The following ACHE variants were observed in gnomAD, a reference collection of about 807,000 sequenced individuals.
ACHE encodes the protein acetylcholinesterase.
ACHE carries 19 observed loss-of-function variants against 53.9 expected under a neutral mutation model. That is an observed-to-expected ratio of 0.35 (90% confidence interval 0.25 to 0.52). The LOEUF is 0.52. ACHE is among the 20% of genes least tolerant of loss of function. The pLI, the probability that ACHE is intolerant of heterozygous loss-of-function variation, is 0.95. For missense variants in ACHE, 605 were observed against 849.4 expected (o/e 0.71, Z 3.58); for synonymous variants, 392 against 378.1 (o/e 1.04, Z -0.43).
In ACHE at chr7:100,893,521, C is replaced by T. The variant is rs759058537; in HGVS notation, c.712G>A (p.Ala238Thr). 1.2e-6 allele frequency: 2 copies of T among 1,609,234 alleles called. No individual in the cohort carries two copies. The highest frequency in any genetic ancestry group is 1.7e-6 in the Non-Finnish European group (2 of 1,179,934). Reference protein sequence around the residue: ...VTLFGESAGAASVGMHLLSPP... With the variant: ...VTLFGESAGATSVGMHLLSPP... ...GACAGCAGGTGCATGCCCACCGAGG[C>T]GGCTCCCGCGCTCTCCCCAAACAGC... Residue 238 changes from alanine (A) to threonine (T), a missense_variant, in exon 2 of 5, where the codon GCC (alanine) becomes ACC (threonine). This residue lies in a region of ACHE where 397 missense variants were observed against 632.5 expected (regional missense o/e 0.63). Transcript: ENST00000241069.
In ACHE at chr7:100,895,642, G is replaced by A. The variant is rs980888035; in HGVS notation, c.-21+160C>T. ...GGGCGTCGGTGAGTGTGAGGCGGCC[G>A]GGGAAGAGTTCCGGACGAGTGCGGG... On this transcript the variant is annotated intron_variant, in intron 1 of 4. Transcript: ENST00000241069. Among the ~76,000 whole-genome samples the A allele has an allele frequency of 3.9e-5, 6 of 152,282 alleles. No homozygotes were observed. In the East Asian group the frequency reaches 1.2e-3, roughly 30 times the overall value.
chr7:100,890,458 C>T, intron 4 of ACHE, 123 bp from the exon 5 acceptor site: 1 of 1,472,844 alleles, frequency 6.8e-7, no homozygotes, highest in Non-Finnish European at 9.0e-7. Context: ...GAAATGCAGG[C>T]GACCACGTGG....
intron 1 of ACHE, 36 bp from the exon 2 acceptor site, chr7:100,894,288 G>A: frequency 7.3e-7 from 1 of 1,374,456 alleles, no homozygotes; most frequent in Non-Finnish European, 9.5e-7. Context: ...GTGAAGGGTC[G>A]GTCGAGAAGC....
rs1790738955 is a variant in ACHE at position 100,892,174 on chromosome 7, T to G, written c.1553+160A>C. Among the ~76,000 whole-genome samples, 1 of 151,782 alleles carries G rather than the reference T, an allele frequency of 6.6e-6. No homozygotes were observed. Among genetic ancestry groups the G allele is most frequent in the Admixed American group, 6.6e-5 (1 of 15,202 alleles). ...TCTGCCTTCTCTGTCTCCTTTCTTT[T>G]TCTCTCCCCTTTTATCTACTTTGTG... On this transcript the variant is annotated intron_variant, in intron 3 of 4. Coordinates refer to ENST00000241069, the MANE Select transcript of ACHE (RefSeq NM_000665.5). This position sits in a 1 kb window ranked among gnomAD's most constrained non-coding sequence, Gnocchi z 5.2.
In ACHE at chr7:100,890,035, C is replaced by T. The variant is rs1790565138; in HGVS notation, c.*179G>A. On this transcript the variant is annotated 3_prime_UTR_variant, in exon 5 of 5. Transcript: ENST00000241069. The stretch of plus-strand genomic sequence containing the variant: ...TTGGCAGCCCAGAGGGGCGAAGGCA[C>T]CGCGGGGGAGGGAGCTCAGCCTGAG... 2.8e-6 allele frequency: 2 copies of T among 702,390 alleles called. No homozygotes were observed. The highest frequency in any genetic ancestry group is 4.5e-6 in the Non-Finnish European group (2 of 441,984). 43.5% of individuals were successfully genotyped at this position (702,390 alleles called of 1,614,324 possible). A position where few individuals can be genotyped will look rare whatever the true frequency, so the allele number is the denominator to read the frequency against.
At chr7:100,895,746 C>T (rs1348818625) in intron 1 of ACHE, 56 bp downstream of exon 1, 1 of 152,176 alleles carries the variant, frequency 6.6e-6, no homozygotes. Flanking sequence ...TCGGGGAGCG[C>T]ACGGTGCCCC....
chr7:100,894,770 C>T (rs917341260), intron 1 of ACHE, among the ~76,000 whole-genome samples: 7 of 152,222 alleles, frequency 4.6e-5, no homozygotes, highest in African/African-American at 1.7e-4. Context: ...TCCCCCAAAT[C>T]CTGCCTAGTC....
chr7:100,895,734 C>T (rs1215524964), intron 1 of ACHE, 68 bp downstream of exon 1: 1 of 152,322 alleles, frequency 6.6e-6, no homozygotes, highest in Non-Finnish European at 1.5e-5. Flanking sequence ...GGCCTGGACC[C>T]CTCGGGGAGC....
Position 100,892,298 on chromosome 7 carries a change from G to C in ACHE, c.1553+36C>G, listed in dbSNP as rs200942047. 4.1e-6 allele frequency: 6 copies of C among 1,478,380 alleles called. No homozygotes were observed. The Admixed American group carries it at 7.0e-5, about 17-fold the overall frequency. 91.6% of individuals were successfully genotyped at this position (1,478,380 alleles called of 1,614,324 possible). A position where few individuals can be genotyped will look rare whatever the true frequency, so the allele number is the denominator to read the frequency against. On this transcript the variant is annotated intron_variant, in intron 3 of 4. Coordinates refer to ENST00000241069, the MANE Select transcript of ACHE (RefSeq NM_000665.5). The surrounding 1 kb of genome is among the most constrained non-coding windows in gnomAD (Gnocchi z 5.2). Reference sequence around the variant, plus strand: ...GTGTGTCCTCCCGCCCCCGACTCCTGTCCTCCCCAGCCTTCTCTCCCTCTG... The same window carrying C: ...GTGTGTCCTCCCGCCCCCGACTCCTCTCCTCCCCAGCCTTCTCTCCCTCTG...
In ACHE at chr7:100,892,741, C is replaced by T; in HGVS notation, c.1146G>A (p.Glu382=). Residue 382 remains glutamate (E), a synonymous_variant, in exon 3 of 5, where the codon GAG becomes GAA. Transcript: ENST00000241069. The surrounding 1 kb of genome is among the most constrained non-coding windows in gnomAD (Gnocchi z 5.2). ...YGAPGFSKDN[E]SLISRAEFLA... The stretch of plus-strand genomic sequence containing the variant: ...GGAACTCGGCCCGGCTGATGAGAGA[C>T]TCGTTGTCTTTGCTGAAGCCTGGGG... The T allele has an allele frequency of 6.2e-7, 1 of 1,613,040 alleles. No homozygotes were observed. The highest frequency in any genetic ancestry group is 1.3e-5 in the African/African-American group (1 of 75,012).
At position 100,893,746 on chromosome 7, in the gene ACHE, C is replaced by T; in HGVS notation, c.487G>A (p.Val163Met). 4.3e-6 allele frequency: 7 copies of T among 1,613,686 alleles called. No homozygotes were observed. The highest frequency in any genetic ancestry group is 5.9e-6 in the Non-Finnish European group (7 of 1,180,028). Reference sequence around the variant, plus strand: ...TGTACCAAGAAGCGGCCATCGTACACGTCCAAGGAGGAGGCCCCACTGTAG... The same window carrying T: ...TGTACCAAGAAGCGGCCATCGTACATGTCCAAGGAGGAGGCCCCACTGTAG... ...GFYSGASSLD[V>M]YDGRFLVQAE... Residue 163 changes from valine (V) to methionine (M), a missense_variant, in exon 2 of 5, where the codon GTG becomes ATG. Val to Met is a conservative substitution (Grantham distance 21). Coordinates refer to ENST00000241069, the MANE Select transcript of ACHE (RefSeq NM_000665.5).
Position 100,894,123 on chromosome 7 carries a change from G to A in ACHE, c.110C>T (p.Ala37Val), listed in dbSNP as rs1390773762. The A allele has an allele frequency of 2.0e-6, 3 of 1,497,396 alleles. No homozygotes were observed. Among genetic ancestry groups the A allele is most frequent in the Non-Finnish European group, 2.7e-6 (3 of 1,127,242 alleles). 92.8% of individuals were successfully genotyped at this position (1,497,396 alleles called of 1,614,324 possible). A position where few individuals can be genotyped will look rare whatever the true frequency, so the allele number is the denominator to read the frequency against. Reference protein sequence around the residue: ...GGVGAEGREDAELLVTVRGGR... With the variant: ...GGVGAEGREDVELLVTVRGGR... Reference sequence around the variant, plus strand: ...CCCACGCACCGTCACCAGCAGCTCTGCATCCTCCCGGCCCTCAGCCCCCAC... The same window carrying A: ...CCCACGCACCGTCACCAGCAGCTCTACATCCTCCCGGCCCTCAGCCCCCAC... The change falls in exon 2 of 5, where the codon GCA becomes GTA. Residue 37 changes from alanine (A) to valine (V), a missense_variant. By Grantham distance (64) the Ala-to-Val change is moderately conservative (BLOSUM62 0). Transcript: ENST00000241069.
intron 1 of ACHE, among the ~76,000 whole-genome samples, chr7:100,895,536 C>A (rs1371630643): frequency 6.6e-6 from 1 of 152,060 alleles, no homozygotes; most frequent in Non-Finnish European, 1.5e-5. Flanking sequence ...AGGGAGCGAT[C>A]GGGGAAGGGG....
intron 4 of ACHE, chr7:100,890,567 G>C (rs1790609649): frequency 7.5e-7 from 1 of 1,341,768 alleles, no homozygotes. Context: ...GAGAGGAGGA[G>C]AAAAGAATGA....
Position 100,892,690 on chromosome 7 carries a change from G to C in ACHE, c.1197C>G (p.Pro399=), listed in dbSNP as rs372952913. 7 of 1,613,476 alleles carry C rather than the reference G, an allele frequency of 4.3e-6. No individual in the cohort carries two copies. The African/African-American group carries it at 8.0e-5, about 18-fold the overall frequency. Residue 399 remains proline, a synonymous_variant, in exon 3 of 5, where the codon CCC becomes CCG. Coordinates refer to ENST00000241069, the MANE Select transcript of ACHE (RefSeq NM_000665.5). The surrounding 1 kb of genome is among the most constrained non-coding windows in gnomAD (Gnocchi z 5.2). ...CCTCGGCTGCCAGGTCACTTACCTGGGGAACCCCGACCCGCACCCCGGCCA... is the reference window on the plus strand; with the variant it reads ...CCTCGGCTGCCAGGTCACTTACCTGCGGAACCCCGACCCGCACCCCGGCCA... ...EFLAGVRVGV[P]QVSDLAAEAV...
chr7:100,893,361 C>T lies in ACHE; in HGVS notation c.872G>A (p.Gly291Asp), dbSNP rs142818130. ...QLAHLVGCPPGGTGGNDTELV... is the reference protein window; with the variant it reads ...QLAHLVGCPPDGTGGNDTELV... ...CTCTGTGTCATTCCCACCAGTGCCG[C>T]CTGGAGGACAGCCCACAAGGTGGGC... The change falls in exon 2 of 5, where the codon GGC becomes GAC. Residue 291 changes from glycine (G) to aspartate (D), a missense_variant. Gly to Asp is a moderately conservative substitution (Grantham distance 94). This residue lies in a region of ACHE where 397 missense variants were observed against 632.5 expected (regional missense o/e 0.63). Coordinates refer to ENST00000241069, the MANE Select transcript of ACHE (RefSeq NM_000665.5). 3.9e-5 allele frequency: 63 copies of T among 1,613,544 alleles called. No individual in the cohort carries two copies. Among genetic ancestry groups the T allele is most frequent in the Middle Eastern group, 1.6e-4 (1 of 6,084 alleles).
chr7:100,893,123 G>T, intron 2 of ACHE, 42 bp downstream of exon 2: 1 of 1,592,340 alleles, frequency 6.3e-7, no homozygotes, highest in Non-Finnish European at 8.6e-7. Context: ...GGACCGTTGG[G>T]ACCCAGAGGA....
intron 3 of ACHE, among the ~76,000 whole-genome samples, chr7:100,891,977 G>A (rs193046967): frequency 4.4e-4 from 67 of 151,544 alleles, no homozygotes; most frequent in African/African-American, 1.4e-3. Flanking sequence ...TTTAAGAGTC[G>A]GGGTCTTGTT....
At chr7:100,894,334 G>C in intron 1 of ACHE, 82 bp from the exon 2 acceptor site, 1 of 1,016,766 alleles carries the variant, frequency 9.8e-7, no homozygotes, top group Non-Finnish European at 1.3e-6. Context: ...TCGGCCCAAG[G>C]GTTATCGCTC....
Sources: gnomAD v4.1 joint callset for allele counts (sites outside exome capture counted in the v4.1 genomes callset) on GRCh38, gnomAD v4.1.1 for gene constraint, gnomAD v4.1.1 regional missense constraint, Gnocchi (gnomAD v3.1) non-coding constraint, MANE v1.5 for transcripts, NCBI Gene and HGNC (gene_info 2026-07-23, HGNC 2026-07-21) for gene names.